The following ADGRL2 variants were observed in gnomAD, a reference collection of about 807,000 sequenced individuals.
ADGRL2 encodes the protein adhesion G protein-coupled receptor L2.
A neutral mutation model predicts 157.4 loss-of-function variants in ADGRL2; 44 were observed. The observed-to-expected ratio is 0.28, with a 90% CI of 0.22 to 0.36. The LOEUF is 0.36. ADGRL2 is among the 10% of genes least tolerant of loss of function. The pLI is 1.00. For missense variants in ADGRL2, 1,510 were observed against 1,768.9 expected (o/e 0.85, Z 2.63); for synonymous variants, 585 against 624.7 (o/e 0.94, Z 0.95).
At chr1:81,595,008 C>A (rs2148606241) in intron 3 of ADGRL2, among the ~76,000 whole-genome samples, 1 of 152,156 alleles carries the variant, frequency 6.6e-6, no homozygotes, top group Non-Finnish European at 1.5e-5. Flanking sequence ...ATGTCAGGAA[C>A]TGACAGGTGC....
intron 1 of ADGRL2, among the ~76,000 whole-genome samples, chr1:81,707,510 C>T (rs917333395): frequency 1.5e-4 from 23 of 152,188 alleles, no homozygotes; most frequent in African/African-American, 5.5e-4. Flanking sequence ...AGAATTCTCA[C>T]AAAAGCTTTG....
At chr1:81,310,681 T>A (rs1220411761) in intron 1 of ADGRL2, among the ~76,000 whole-genome samples, 1 of 152,118 alleles carries the variant, frequency 6.6e-6, no homozygotes, top group Non-Finnish European at 1.5e-5. Flanking sequence ...ATATCAGTTT[T>A]GCCCAGATTA....
In ADGRL2 at chr1:81,458,712, G is replaced by A. The variant is rs566347470; in HGVS notation, c.-248+13623G>A. 1.4e-4 allele frequency among the ~76,000 whole-genome samples: 22 copies of A among 152,284 alleles called. No homozygotes were observed. In the South Asian group the frequency reaches 1.5e-3, roughly 10 times the overall value. On this transcript the variant is annotated intron_variant, in intron 2 of 24. Coordinates refer to the ADGRL2 transcript ENST00000370721. Reference sequence around the variant, plus strand: ...GTTTAGATGAGGTGGATGTGGTGGCGCCTGAAAACTAGGAGATGCCAGAAA... The same window carrying A: ...GTTTAGATGAGGTGGATGTGGTGGCACCTGAAAACTAGGAGATGCCAGAAA...
chr1:81,985,805 A>G (rs192699605), intron 21 of ADGRL2, among the ~76,000 whole-genome samples: 1 of 152,110 alleles, frequency 6.6e-6, no homozygotes, highest in Non-Finnish European at 1.5e-5. Context: ...TATAGTTCTT[A>G]AAATATGCTA....
intron 2 of ADGRL2, among the ~76,000 whole-genome samples, chr1:81,505,482 C>G (rs888585058): frequency 1.3e-5 from 2 of 150,662 alleles, no homozygotes; most frequent in South Asian, 4.2e-4. Context: ...CCAGGCAGCT[C>G]GCCTGGCCAC....
At chr1:81,886,943 C>T (rs781292452) in intron 2 of ADGRL2, among the ~76,000 whole-genome samples, 26 of 152,130 alleles carry the variant, frequency 1.7e-4, no homozygotes, top group Non-Finnish European at 3.1e-4. Context: ...GACCATAGCT[C>T]TGAAATTCCA....
At chr1:81,687,374 G>A (rs1309532620) in intron 3 of ADGRL2, among the ~76,000 whole-genome samples, 1 of 152,098 alleles carries the variant, frequency 6.6e-6, no homozygotes, top group African/African-American at 2.4e-5. Flanking sequence ...GTTGGACAAG[G>A]CCTTTTAGCA....
intron 10 of ADGRL2, among the ~76,000 whole-genome samples, chr1:81,954,011 T>C (rs1652669757): frequency 6.6e-6 from 1 of 152,052 alleles, no homozygotes; most frequent in African/African-American, 2.4e-5. Context: ...CAAGAAAAGG[T>C]AGTAGGAAAG....
chr1:81,752,180 G>A lies in ADGRL2; in HGVS notation c.-142-9631G>A, dbSNP rs146687119. 4.8e-3 allele frequency among the ~76,000 whole-genome samples: 727 copies of A among 152,290 alleles called. 3 individuals are homozygous for A. The highest frequency in any genetic ancestry group is 0.017 in the African/African-American group (706 of 41,568). Reference sequence around the variant, plus strand: ...AGAGATCCCACGCCCCTTCCACCATGTGGCATTAAAGTGAGAAGGAAGCTA... The same window carrying A: ...AGAGATCCCACGCCCCTTCCACCATATGGCATTAAAGTGAGAAGGAAGCTA... On this transcript the variant is annotated intron_variant, in intron 1 of 20. Coordinates refer to the ADGRL2 transcript ENST00000359929.
Position 81,875,098 on chromosome 1 carries a change from C to A in ADGRL2, c.74-31919C>A, listed in dbSNP as rs1490690588. 2.6e-5 allele frequency among the ~76,000 whole-genome samples: 4 copies of A among 152,128 alleles called. No homozygotes were observed. The South Asian group carries it at 6.2e-4, about 24-fold the overall frequency. ...ACTCTTAACTTCTATAGGCTGCACA[C>A]TCTTTCTCCCCAAAATCCCTGCAGC... On this transcript the variant is annotated intron_variant, in intron 2 of 23. Transcript: ENST00000686636.
rs556846072 is a variant in ADGRL2 at position 81,687,295 on chromosome 1, G to A, written c.-142-74516G>A. Among the ~76,000 whole-genome samples, 152 of 152,214 alleles carry A rather than the reference G, an allele frequency of 1.0e-3. 2 individuals are homozygous for A. Among genetic ancestry groups the A allele is most frequent in the Non-Finnish European group, 1.4e-3 (96 of 68,014 alleles). On this transcript the variant is annotated intron_variant, in intron 3 of 24. Transcript: ENST00000370721. ...TCTATCTCATTTCTTACATCTGTTA[G>A]TAATTGTTTTATAAATTTGGGAGCA...
At chr1:81,368,918 A>C (rs2076113797) in intron 1 of ADGRL2, among the ~76,000 whole-genome samples, 1 of 152,090 alleles carries the variant, frequency 6.6e-6, no homozygotes, top group Admixed American at 6.5e-5. Flanking sequence ...CCCTTATAAA[A>C]TCTCCTCTAT....
intron 3 of ADGRL2, chr1:81,586,318 T>G (rs2081024864): frequency 6.6e-6 from 1 of 151,954 alleles, no homozygotes; most frequent in South Asian, 2.1e-4. Context: ...GCCCTCCTTC[T>G]TCATGCAGAG....
intron 1 of ADGRL2, among the ~76,000 whole-genome samples, chr1:81,360,295 C>G (rs1344168251): frequency 6.6e-6 from 1 of 151,884 alleles, no homozygotes; most frequent in Non-Finnish European, 1.5e-5. Flanking sequence ...TTTCTTCTGT[C>G]ATCCAGTTCT....
intron 2 of ADGRL2, chr1:81,501,764 G>A: frequency 1.2e-6 from 2 of 1,608,232 alleles, no homozygotes; most frequent in Non-Finnish European, 1.7e-6. Context: ...GAAGCTTGAG[G>A]CAAAAATGGA....
chr1:81,823,687 G>C (rs933604310), intron 1 of ADGRL2, among the ~76,000 whole-genome samples: 1 of 152,016 alleles, frequency 6.6e-6, no homozygotes, highest in Non-Finnish European at 1.5e-5. Context: ...TAGGGAACCA[G>C]TCAGTTAGAC....
Position 81,852,683 on chromosome 1 carries a change from T to TCTA in ADGRL2, c.73+15626_73+15627insCTA, listed in dbSNP as rs1382291700. Among the ~76,000 whole-genome samples the TCTA allele has an allele frequency of 3.3e-5, 5 of 152,268 alleles. No homozygotes were observed. In the East Asian group the frequency reaches 9.7e-4, roughly 29 times the overall value. ...TTGCAAGTGTATATCTGATGTGCCA[T>TCTA]GCTGCCTCTAGCTGTGTGTCTCGCT... On this transcript the variant is annotated intron_variant, in intron 2 of 23. Coordinates refer to ENST00000686636, the MANE Select transcript of ADGRL2 (RefSeq NM_001366006.2).
chr1:81,398,579 G>A (rs2076697224), intron 1 of ADGRL2, among the ~76,000 whole-genome samples: 1 of 152,098 alleles, frequency 6.6e-6, no homozygotes, highest in Non-Finnish European at 1.5e-5. Flanking sequence ...TGGTCTGGTG[G>A]TGATGAATTC....
intron 1 of ADGRL2, among the ~76,000 whole-genome samples, chr1:81,421,136 G>T (rs1048778957): frequency 1.3e-5 from 2 of 152,168 alleles, no homozygotes; most frequent in Admixed American, 6.5e-5. Flanking sequence ...ATTTAGGAAT[G>T]CACAATCCCT....
Sources: allele counts gnomAD v4.1 joint callset (sites outside exome capture counted in the v4.1 genomes callset), GRCh38; gene constraint gnomAD v4.1.1; transcripts MANE v1.5; gene names NCBI Gene and HGNC (gene_info 2026-07-23, HGNC 2026-07-21).